The following CFAP77 variants were observed in gnomAD, a reference collection of about 807,000 sequenced individuals.
CFAP77 encodes the protein cilia and flagella associated protein 77.
CFAP77 carries 25 observed loss-of-function variants against 31.1 expected under a neutral mutation model. That is an observed-to-expected ratio of 0.80 (90% CI 0.59 to 1.12). CFAP77 has a LOEUF of 1.12. Ranked by LOEUF, CFAP77 falls within the 50% of genes most tolerant of loss-of-function variation. The probability of loss-of-function intolerance (pLI) is 0.00; values close to 1 mark genes in which losing one functional copy is unlikely to be tolerated. For synonymous variants in CFAP77, 151 were observed against 159.9 expected (o/e 0.94, Z 0.42); for missense variants, 377 against 397.3 (o/e 0.95, Z 0.44).
chr9:132,447,638 G>A (rs1834359521), intron 1 of CFAP77, among the ~76,000 whole-genome samples: 1 of 152,240 alleles, frequency 6.6e-6, no homozygotes, highest in Non-Finnish European at 1.5e-5. Flanking sequence ...CGTGTCCGCC[G>A]TGTGTTCGGA....
chr9:132,556,456 A>G (rs1852907071), intron 5 of CFAP77, among the ~76,000 whole-genome samples: 1 of 152,132 alleles, frequency 6.6e-6, no homozygotes, highest in Admixed American at 6.5e-5. Flanking sequence ...GCCTTTGTTG[A>G]CAACCCCATT....
intron 5 of CFAP77, among the ~76,000 whole-genome samples, chr9:132,557,259 G>A (rs1301912277): frequency 6.6e-6 from 1 of 152,204 alleles, no homozygotes; most frequent in Non-Finnish European, 1.5e-5. Context: ...CCAGCGTGAG[G>A]TTCTTGCTGG....
intron 1 of CFAP77, among the ~76,000 whole-genome samples, chr9:132,464,404 C>G (rs1851116205): frequency 1.3e-5 from 2 of 152,030 alleles, no homozygotes; most frequent in African/African-American, 4.8e-5. Context: ...GTCTTCAGAG[C>G]CTGTTCCTGC....
intron 3 of CFAP77, among the ~76,000 whole-genome samples, chr9:132,526,434 G>T (rs375321120): frequency 6.6e-6 from 1 of 151,440 alleles, no homozygotes; most frequent in Non-Finnish European, 1.5e-5. Context: ...GGGTTTCACC[G>T]TGTTAGCCAG....
chr9:132,446,719 C>T (rs548730104), intron 1 of CFAP77, among the ~76,000 whole-genome samples: 75 of 128,932 alleles, frequency 5.8e-4, no homozygotes, highest in Admixed American at 9.3e-4. Context: ...CCAGCCTGGG[C>T]GACAGAGCAA....
At chr9:132,509,211 G>A (rs1310198988) in intron 3 of CFAP77, among the ~76,000 whole-genome samples, 3 of 152,356 alleles carry the variant, frequency 2.0e-5, no homozygotes, top group Admixed American at 2.0e-4. Flanking sequence ...GGCATGGTGA[G>A]GTTCTGTCCC....
At chr9:132,525,645 G>A (rs1323355051) in intron 3 of CFAP77, among the ~76,000 whole-genome samples, 1 of 152,172 alleles carries the variant, frequency 6.6e-6, no homozygotes, top group African/African-American at 2.4e-5. Context: ...TGTGTGTGAT[G>A]TATTTAGTTC....
intron 1 of CFAP77, among the ~76,000 whole-genome samples, chr9:132,470,232 G>A (rs182894268): frequency 1.6e-3 from 240 of 152,270 alleles, no homozygotes; most frequent in African/African-American, 5.6e-3. Flanking sequence ...ACACTTATGC[G>A]CCAAGTCCAC....
intron 1 of CFAP77, among the ~76,000 whole-genome samples, chr9:132,459,786 GTGTA>G (rs1026148977): frequency 2.6e-5 from 4 of 151,262 alleles, no homozygotes; most frequent in African/African-American, 4.9e-5. Flanking sequence ...GAGAGCGTGT[GTGTA>G]TGTGAGAGCG....
intron 5 of CFAP77, among the ~76,000 whole-genome samples, chr9:132,544,170 C>T (rs536712575): frequency 2.6e-4 from 40 of 152,340 alleles, no homozygotes; most frequent in African/African-American, 8.7e-4. Context: ...CCCCTTGACG[C>T]GGCCTCTCAT....
Position 132,517,868 on chromosome 9 carries a change from C to T in CFAP77, c.524+18268C>T, listed in dbSNP as rs1473126746. On this transcript the variant is annotated intron_variant, in intron 3 of 5. Coordinates refer to ENST00000393216, the MANE Select transcript of CFAP77 (RefSeq NM_001282957.2). This position sits in a 1 kb window ranked among gnomAD's most constrained non-coding sequence, Gnocchi z 4.7. ...TCAACCCCTGGTCTGGGGTATCAAT[C>T]GCGGAGCAGTCAGGATGGGTTTGAT... Among the ~76,000 whole-genome samples the T allele has an allele frequency of 1.3e-5, 2 of 152,236 alleles. No individual in the cohort carries two copies. The highest frequency in any genetic ancestry group is 2.9e-5 in the Non-Finnish European group (2 of 68,046).
In CFAP77 at chr9:132,520,618, C is replaced by T. The variant is rs1041824309; in HGVS notation, c.525-16983C>T. 1.1e-4 allele frequency among the ~76,000 whole-genome samples: 17 copies of T among 152,298 alleles called. 1 individual carries two copies. In the Middle Eastern group the frequency reaches 0.014, roughly 122 times the overall value. ...TAGGATCGCACCACCGCACACCAGC[C>T]AGTTTCTAAATAAATAAATTAATTA... On this transcript the variant is annotated intron_variant, in intron 3 of 5. Coordinates refer to ENST00000393216, the MANE Select transcript of CFAP77 (RefSeq NM_001282957.2).
intron 1 of CFAP77, among the ~76,000 whole-genome samples, chr9:132,418,702 C>T (rs1372621241): frequency 6.6e-6 from 1 of 152,206 alleles, no homozygotes; most frequent in Non-Finnish European, 1.5e-5. Flanking sequence ...TTCTAGCAAT[C>T]CATACAGTGT....
At chr9:132,492,227 G>GTAGCAAGCTGTGATCGTGCCC (rs1262807582) in intron 1 of CFAP77, among the ~76,000 whole-genome samples, 1 of 152,212 alleles carries the variant, frequency 6.6e-6, no homozygotes, top group Non-Finnish European at 1.5e-5. Context: ...TGTCGAGGCT[G>GTAGCAAGCTGTGATCGTGCCC]TAGCAAGCTG....
chr9:132,459,521 G>T (rs1228699303), intron 1 of CFAP77, among the ~76,000 whole-genome samples: 1 of 151,508 alleles, frequency 6.6e-6, no homozygotes, highest in Admixed American at 6.6e-5. Flanking sequence ...CTGTTTAGGT[G>T]GGTGTATGTG....
intron 1 of CFAP77, among the ~76,000 whole-genome samples, chr9:132,412,626 TTTTG>T (rs1554731683): frequency 1.7e-3 from 260 of 151,180 alleles, no homozygotes; most frequent in African/African-American, 4.2e-3. Context: ...GCTTTTTTTT[TTTTG>T]TTTGTTTGTT....
At chr9:132,493,470 C>G (rs562018362) in intron 1 of CFAP77, among the ~76,000 whole-genome samples, 1 of 152,156 alleles carries the variant, frequency 6.6e-6, no homozygotes, top group Non-Finnish European at 1.5e-5. Flanking sequence ...GCTGGGTCTC[C>G]GCTGTGGACA....
Position 132,537,599 on chromosome 9 carries a change from AG to A in CFAP77, c.525del. 1.2e-6 allele frequency: 2 copies of A among 1,609,538 alleles called. No individual in the cohort carries two copies. The highest frequency in any genetic ancestry group is 1.7e-6 in the Non-Finnish European group (2 of 1,177,622). ...AGCTCTGTCTGGACTTCTTCCCTCCAGGCCTTCCACACCCTTCTTTGATCTG... is the reference window on the plus strand; with the variant it reads ...AGCTCTGTCTGGACTTCTTCCCTCCAGCCTTCCACACCCTTCTTTGATCTG... On this transcript the variant is annotated splice_acceptor_variant, in intron 3 of 5. Transcript: ENST00000393216. LOFTEE classifies it high-confidence loss of function.
chr9:132,465,073 C>CAAAAAAAAAAAAAAAAA (rs773917029), intron 1 of CFAP77, among the ~76,000 whole-genome samples: 6 of 82,832 alleles, frequency 7.2e-5, no homozygotes, highest in African/African-American at 1.2e-4. Context: ...GACTCTGTCT[C>CAAAAAAAAAAAAAAAAA]AAAAAAAAAA....
Sources: allele counts gnomAD v4.1 joint callset (sites outside exome capture counted in the v4.1 genomes callset), GRCh38; gene constraint gnomAD v4.1.1; non-coding constraint Gnocchi (gnomAD v3.1); transcripts MANE v1.5; gene names NCBI Gene and HGNC (gene_info 2026-07-23, HGNC 2026-07-21).